The following PTPRK variants were observed in gnomAD, a reference collection of about 807,000 sequenced individuals.
PTPRK encodes protein tyrosine phosphatase receptor type K, also known as receptor-type tyrosine-protein phosphatase kappa.
PTPRK carries 75 observed loss-of-function variants against 178.0 expected under a neutral mutation model. The observed-to-expected ratio is 0.42, with a 90% CI of 0.35 to 0.51. The LOEUF is 0.51. PTPRK is among the 20% of genes least tolerant of loss of function. The pLI, the probability that PTPRK is intolerant of heterozygous loss-of-function variation, is 0.02. For synonymous variants in PTPRK, 637 were observed against 620.6 expected, an observed-to-expected ratio of 1.03 and a Z score of -0.39; for missense variants, 1,441 against 1,797.8, an observed-to-expected ratio of 0.80 and a Z score of 3.59.
At chr6:128,027,057 T>C (rs1423368801) in intron 13 of PTPRK, among the ~76,000 whole-genome samples, 1 of 152,190 alleles carries the variant, frequency 6.6e-6, no homozygotes, top group Non-Finnish European at 1.5e-5. Context: ...GGATTCTTGA[T>C]AGAATGCGCC....
chr6:128,104,804 G>A (rs1789412240), intron 7 of PTPRK, among the ~76,000 whole-genome samples: 1 of 152,160 alleles, frequency 6.6e-6, no homozygotes, highest in African/African-American at 2.4e-5. Context: ...ATGGTTTAAT[G>A]CTAAAGAAGC....
At chr6:128,468,915 C>T (rs1416194135) in intron 1 of PTPRK, among the ~76,000 whole-genome samples, 1 of 126,158 alleles carries the variant, frequency 7.9e-6, no homozygotes, top group South Asian at 2.5e-4. Flanking sequence ...ACATTAAACA[C>T]CTTTTCAAAA....
chr6:128,288,402 A>C (rs1246931056), intron 3 of PTPRK, among the ~76,000 whole-genome samples: 2 of 152,196 alleles, frequency 1.3e-5, no homozygotes, highest in Non-Finnish European at 2.9e-5. Flanking sequence ...TTCATGTGAA[A>C]ATATCTCTAT....
chr6:128,483,467 T>C (rs1852369294), intron 1 of PTPRK, among the ~76,000 whole-genome samples: 2 of 152,146 alleles, frequency 1.3e-5, no homozygotes, highest in African/African-American at 4.8e-5. Flanking sequence ...TCATTTCCTT[T>C]TCATCTTCTT....
intron 13 of PTPRK, among the ~76,000 whole-genome samples, chr6:128,027,490 C>G (rs953948841): frequency 1.3e-5 from 2 of 152,218 alleles, no homozygotes; most frequent in East Asian, 3.9e-4. Flanking sequence ...AAAAAATGTT[C>G]ATAGCTTCCT....
intron 6 of PTPRK, among the ~76,000 whole-genome samples, chr6:128,217,422 G>C (rs1408898753): frequency 2.0e-5 from 3 of 152,064 alleles, no homozygotes; most frequent in Non-Finnish European, 4.4e-5. Context: ...TCCAATAATG[G>C]TAATGCGAGG....
At chr6:128,493,805 C>T in intron 1 of PTPRK, among the ~76,000 whole-genome samples, 1 of 152,120 alleles carries the variant, frequency 6.6e-6, no homozygotes, top group Non-Finnish European at 1.5e-5. Context: ...TCTGGAAACT[C>T]CAAAGGTAAC....
chr6:128,052,039 A>T (rs538145900), intron 13 of PTPRK, among the ~76,000 whole-genome samples: 1 of 152,218 alleles, frequency 6.6e-6, no homozygotes, highest in South Asian at 2.1e-4. Context: ...GTACTCCACC[A>T]TCATATCCTC....
intron 19 of PTPRK, among the ~76,000 whole-genome samples, chr6:127,992,131 T>C (rs1311618146): frequency 6.6e-6 from 1 of 151,770 alleles, no homozygotes; most frequent in Admixed American, 6.6e-5. Context: ...TTGTTGTTAT[T>C]TGGATACTTT....
intron 13 of PTPRK, among the ~76,000 whole-genome samples, chr6:128,041,582 T>C (rs1777173523): frequency 6.6e-6 from 1 of 152,050 alleles, no homozygotes; most frequent in African/African-American, 2.4e-5. Flanking sequence ...AAAACTAATG[T>C]AATCCTTTTC....
At chr6:128,218,717 CACTT>C (rs1021189719) in intron 6 of PTPRK, among the ~76,000 whole-genome samples, 5 of 152,300 alleles carry the variant, frequency 3.3e-5, no homozygotes, top group South Asian at 4.1e-4. Flanking sequence ...CAATGGCAAA[CACTT>C]ACTAGAAACT....
chr6:128,119,822 C>A (rs190211263), intron 7 of PTPRK, among the ~76,000 whole-genome samples: 2 of 152,088 alleles, frequency 1.3e-5, no homozygotes, highest in East Asian at 3.9e-4. Flanking sequence ...AACCGATGGA[C>A]ATATTTTAAA....
intron 11 of PTPRK, among the ~76,000 whole-genome samples, chr6:128,075,254 T>TG (rs1395579261): frequency 6.6e-6 from 1 of 152,060 alleles, no homozygotes; most frequent in Non-Finnish European, 1.5e-5. Flanking sequence ...CCATTCTCTA[T>TG]GTTTCTATCA....
intron 7 of PTPRK, 55 bp from the exon 8 acceptor site, chr6:128,090,047 G>A: frequency 1.4e-6 from 2 of 1,394,142 alleles, no homozygotes; most frequent in Non-Finnish European, 2.0e-6. Context: ...GAATAATCCT[G>A]GAAAAATAAA....
chr6:128,409,164 C>A, intron 1 of PTPRK: 1 of 296,444 alleles, frequency 3.4e-6, no homozygotes, highest in Non-Finnish European at 6.6e-6. Context: ...TGGGAAGCAA[C>A]ATTTTATGAT....
chr6:128,250,224 ATACACCACCCATTGAC>A (rs1360968557), intron 3 of PTPRK, among the ~76,000 whole-genome samples: 1 of 152,176 alleles, frequency 6.6e-6, no homozygotes, highest in Non-Finnish European at 1.5e-5. Flanking sequence ...AAATGAACTA[ATACACCACCCATTGAC>A]CTAAGTTACT....
chr6:128,384,099 G>A (rs372967707), intron 2 of PTPRK, among the ~76,000 whole-genome samples: 1 of 151,836 alleles, frequency 6.6e-6, no homozygotes, highest in African/African-American at 2.4e-5. Context: ...ATCCTTTTAG[G>A]CTTGCTCATT....
At chr6:128,119,978 T>C (rs182841530) in intron 7 of PTPRK, among the ~76,000 whole-genome samples, 4 of 152,086 alleles carry the variant, frequency 2.6e-5, no homozygotes, top group African/African-American at 9.6e-5. Context: ...AGGTTAAATG[T>C]TTTTTCCAGT....
intron 21 of PTPRK, 124 bp from the exon 22 acceptor site, chr6:127,985,999 A>C: frequency 1.1e-6 from 1 of 891,730 alleles, no homozygotes; most frequent in Non-Finnish European, 1.6e-6. Context: ...ACGAAAGACT[A>C]TGCCTTTTCT....
Sources: gnomAD v4.1 joint callset for allele counts (sites outside exome capture counted in the v4.1 genomes callset) on GRCh38, gnomAD v4.1.1 for gene constraint, MANE v1.5 for transcripts, NCBI Gene and HGNC (gene_info 2026-07-23, HGNC 2026-07-21) for gene names.